Variants in PIWIL2 observed in about 807,000 individuals in gnomAD.
PIWIL2 encodes piwi-like protein 2.
Under a neutral mutation model 116.5 loss-of-function variants are expected in PIWIL2, and 81 were observed. The observed-to-expected ratio is 0.70, with a 90% CI of 0.58 to 0.84. The LOEUF is 0.84. Among genes scored for constraint, PIWIL2 ranks in the 40% least tolerant of loss-of-function variants. PIWIL2 has a pLI of 0.00. For missense variants in PIWIL2, 1,272 were observed against 1,212.3 expected, an observed-to-expected ratio of 1.05 and a Z score of -0.73; for synonymous variants, 489 against 429.5, an observed-to-expected ratio of 1.14 and a Z score of -1.71.
At chr8:22,304,345 C>A in intron 11 of PIWIL2, 136 bp downstream of exon 11, 1 of 611,002 alleles carries the variant, frequency 1.6e-6, no homozygotes, top group Non-Finnish European at 2.9e-6. Context: ...GTGTCTAACA[C>A]TGAATGAGCT....
In PIWIL2 at chr8:22,304,781, T is replaced by G. The variant is rs1831135842; in HGVS notation, c.1371-3T>G. The G allele has an allele frequency of 6.2e-7, 1 of 1,608,636 alleles. No individual in the cohort carries two copies. The highest frequency in any genetic ancestry group is 1.3e-5 in the African/African-American group (1 of 74,822). ...ATTTTTTCCTGCCTCTACTCTGCTC[T>G]AGCAAAAATTATGGGATCACAGTTA... On this transcript the variant is annotated splice_region_variant and splice_polypyrimidine_tract_variant and intron_variant, in intron 11 of 22. Coordinates refer to ENST00000356766, the MANE Select transcript of PIWIL2 (RefSeq NM_018068.5).
rs534015114 is a variant in PIWIL2 at position 22,299,479 on chromosome 8, A to G, written c.1182-4542A>G. 1.2e-4 allele frequency among the ~76,000 whole-genome samples: 19 copies of G among 152,224 alleles called. 1 individual carries two copies. In the South Asian group the frequency reaches 3.1e-3, roughly 25 times the overall value. On this transcript the variant is annotated intron_variant, in intron 10 of 22. Coordinates refer to ENST00000356766, the MANE Select transcript of PIWIL2 (RefSeq NM_018068.5). ...CACCTCGGCTTCCCAAAGTGCTGGGATTGCAAGCGTGAGCCACCGCGCCCA... is the reference window on the plus strand; with the variant it reads ...CACCTCGGCTTCCCAAAGTGCTGGGGTTGCAAGCGTGAGCCACCGCGCCCA...
At chr8:22,342,083 A>G (rs1832123953) in intron 20 of PIWIL2, among the ~76,000 whole-genome samples, 1 of 152,130 alleles carries the variant, frequency 6.6e-6, no homozygotes, top group Admixed American at 6.6e-5. Context: ...AAAAAAATGG[A>G]GTACTTTGGT....
At chr8:22,281,331 C>G in intron 3 of PIWIL2, 46 bp from the exon 4 acceptor site, 1 of 1,575,506 alleles carries the variant, frequency 6.3e-7, no homozygotes. Flanking sequence ...TACTTTAAAA[C>G]ACGTTTAAGT....
chr8:22,329,620 A>G (rs79397004), intron 20 of PIWIL2, among the ~76,000 whole-genome samples: 2,333 of 152,326 alleles, frequency 0.015, 33 homozygotes, highest in Middle Eastern at 0.041. Flanking sequence ...AACACCTCCC[A>G]CCATGCCCCA....
intron 20 of PIWIL2, among the ~76,000 whole-genome samples, chr8:22,348,517 T>C (rs1341884466): frequency 6.6e-6 from 1 of 152,212 alleles, no homozygotes; most frequent in East Asian, 1.9e-4. Flanking sequence ...CATTACTTAC[T>C]GTTTCAAGTA....
At chr8:22,308,262 A>G (rs1563380839) in intron 14 of PIWIL2, among the ~76,000 whole-genome samples, 189 bp downstream of exon 14, 1 of 150,982 alleles carries the variant, frequency 6.6e-6, no homozygotes, top group South Asian at 2.1e-4. Flanking sequence ...GTGCGTGGTC[A>G]TATTTTTCTA....
intron 10 of PIWIL2, among the ~76,000 whole-genome samples, chr8:22,299,209 T>C (rs1388010440): frequency 6.6e-6 from 1 of 151,800 alleles, no homozygotes; most frequent in Non-Finnish European, 1.5e-5. Flanking sequence ...ATCTTTTTTC[T>C]TTTTTTTCTT....
At chr8:22,282,041 G>C (rs1460430268) in intron 4 of PIWIL2, among the ~76,000 whole-genome samples, 1 of 147,720 alleles carries the variant, frequency 6.8e-6, no homozygotes, top group Non-Finnish European at 1.5e-5. Flanking sequence ...CCAAAGTGCT[G>C]AGATTACAGG....
At chr8:22,317,917 T>TC in intron 19 of PIWIL2, among the ~76,000 whole-genome samples, 1 of 152,158 alleles carries the variant, frequency 6.6e-6, no homozygotes, top group Non-Finnish European at 1.5e-5. Flanking sequence ...CACCTTGGCC[T>TC]CCCAAAGTGC....
intron 15 of PIWIL2, among the ~76,000 whole-genome samples, chr8:22,310,354 TC>T (rs1285239759): frequency 6.6e-6 from 1 of 152,130 alleles, no homozygotes; most frequent in Admixed American, 6.6e-5. Context: ...CTTTCTCTTT[TC>T]CCCCTCTTTT....
intron 20 of PIWIL2, among the ~76,000 whole-genome samples, chr8:22,345,372 A>G (rs1386354522): frequency 1.3e-5 from 2 of 152,214 alleles, no homozygotes; most frequent in African/African-American, 4.8e-5. Flanking sequence ...TTGAAATAAT[A>G]CAAATGGGCC....
Position 22,299,949 on chromosome 8 carries a change from T to G in PIWIL2, c.1182-4072T>G, listed in dbSNP as rs550592775. 7.2e-5 allele frequency among the ~76,000 whole-genome samples: 11 copies of G among 152,110 alleles called. 1 individual carries two copies. The highest frequency in any genetic ancestry group is 5.8e-4 in the East Asian group (3 of 5,184). ...TGTATTTATTTTATTATTTTTTTTT[T>G]GGGTGGGGGGAACAGAATCTCTCCC... On this transcript the variant is annotated intron_variant, in intron 10 of 22. Coordinates refer to ENST00000356766, the MANE Select transcript of PIWIL2 (RefSeq NM_018068.5).
At chr8:22,351,482 T>TATATAA (rs1401638608) in intron 20 of PIWIL2, among the ~76,000 whole-genome samples, 8 of 115,684 alleles carry the variant, frequency 6.9e-5, no homozygotes, top group African/African-American at 1.9e-4. Context: ...TATATATATA[T>TATATAA]AATTTATATC....
At chr8:22,295,233 GC>G (rs1830869565) in intron 10 of PIWIL2, among the ~76,000 whole-genome samples, 1 of 151,974 alleles carries the variant, frequency 6.6e-6, no homozygotes, top group Non-Finnish European at 1.5e-5. Flanking sequence ...CTATTCACAG[GC>G]ATGATCATTG....
intron 14 of PIWIL2, among the ~76,000 whole-genome samples, chr8:22,309,062 A>G (rs1831260153): frequency 6.6e-6 from 1 of 151,976 alleles, no homozygotes; most frequent in African/African-American, 2.4e-5. Flanking sequence ...CCCAGGTTCA[A>G]GCGATTCTCC....
chr8:22,318,605 A>G (rs1270816549), intron 20 of PIWIL2, among the ~76,000 whole-genome samples: 1 of 152,160 alleles, frequency 6.6e-6, no homozygotes, highest in Non-Finnish European at 1.5e-5. Context: ...GCTGTGAGCC[A>G]CCGCGCCTGG....
intron 6 of PIWIL2, among the ~76,000 whole-genome samples, chr8:22,285,551 G>T (rs1451446990): frequency 6.6e-6 from 1 of 152,166 alleles, no homozygotes; most frequent in Admixed American, 6.5e-5. Context: ...TTGACACACT[G>T]ATTTCAATTC....
At position 22,287,629 on chromosome 8, in the gene PIWIL2, C is replaced by G. The variant is rs1474952510; in HGVS notation, c.845C>G (p.Pro282Arg). ...TAFDGSILYLPVKLQQVLELK... is the reference protein window; with the variant it reads ...TAFDGSILYLRVKLQQVLELK... ...TTTGATGGATCTATTCTCTATCTGC[C>G]TGTTAAGCTTCAACAAGTGAGACCA... Residue 282 changes from proline to arginine, a missense_variant, in exon 7 of 23, where the codon CCT (proline) becomes CGT (arginine). Coordinates refer to ENST00000356766, the MANE Select transcript of PIWIL2 (RefSeq NM_018068.5). 6.2e-7 allele frequency: 1 copy of G among 1,602,580 alleles called. No homozygotes were observed. The highest frequency in any genetic ancestry group is 8.6e-7 in the Non-Finnish European group (1 of 1,169,402).
Sources: allele counts gnomAD v4.1 joint callset (sites outside exome capture counted in the v4.1 genomes callset), GRCh38; gene constraint gnomAD v4.1.1; transcripts MANE v1.5; gene names NCBI Gene and HGNC (gene_info 2026-07-23, HGNC 2026-07-21).